Variants in MSRB3 observed in about 807,000 individuals in gnomAD.
MSRB3 encodes the protein methionine sulfoxide reductase B3.
MSRB3 carries 13 observed loss-of-function variants against 21.0 expected under a neutral mutation model. The observed-to-expected ratio is 0.62, with a 90% CI of 0.40 to 0.98. MSRB3 has a LOEUF of 0.98. Among genes scored for constraint, MSRB3 ranks in the 50% least tolerant of loss-of-function variants. The pLI, the probability that MSRB3 is intolerant of heterozygous loss-of-function variation, is 0.00. For missense variants in MSRB3, 199 were observed against 230.3 expected, an observed-to-expected ratio of 0.86 and a Z score of 0.88; for synonymous variants, 87 against 88.6, an observed-to-expected ratio of 0.98 and a Z score of 0.10.
intron 2 of MSRB3, among the ~76,000 whole-genome samples, chr12:65,323,423 A>G (rs1874815394): frequency 6.6e-6 from 1 of 152,244 alleles, no homozygotes; most frequent in South Asian, 2.1e-4. Flanking sequence ...CGGTGTTATG[A>G]TTAGATACCA....
chr12:65,336,319 A>G (rs1228482382), intron 4 of MSRB3, among the ~76,000 whole-genome samples: 3 of 152,256 alleles, frequency 2.0e-5, no homozygotes, highest in African/African-American at 4.8e-5. Context: ...ATCGCAAGGC[A>G]TGACTCAAAG....
intron 1 of MSRB3, among the ~76,000 whole-genome samples, chr12:65,292,338 A>G (rs538544605): frequency 6.6e-6 from 1 of 152,324 alleles, no homozygotes; most frequent in East Asian, 1.9e-4. Flanking sequence ...TATCTACCAC[A>G]TAGGTTATTG....
intron 2 of MSRB3, among the ~76,000 whole-genome samples, chr12:65,313,255 C>A (rs1374855608): frequency 6.6e-6 from 1 of 152,074 alleles, no homozygotes; most frequent in East Asian, 1.9e-4. Context: ...GGAAATACTA[C>A]AGATACACAT....
At chr12:65,429,639 A>G (rs1191794110) in intron 5 of MSRB3, among the ~76,000 whole-genome samples, 1 of 152,206 alleles carries the variant, frequency 6.6e-6, no homozygotes, top group Non-Finnish European at 1.5e-5. Context: ...GCCCACTGCA[A>G]TAAGAGTAAG....
chr12:65,353,661 G>T (rs1877189739), intron 4 of MSRB3, among the ~76,000 whole-genome samples: 1 of 152,070 alleles, frequency 6.6e-6, no homozygotes, highest in South Asian at 2.1e-4. Context: ...CACCCTGATG[G>T]GTCTTGACTC....
chr12:65,346,394 T>C (rs1876508862), intron 4 of MSRB3, among the ~76,000 whole-genome samples: 1 of 152,218 alleles, frequency 6.6e-6, no homozygotes, highest in Non-Finnish European at 1.5e-5. Flanking sequence ...TTTTGAGAAG[T>C]GTCTGTTCAT....
intron 5 of MSRB3, among the ~76,000 whole-genome samples, chr12:65,416,407 T>C (rs1880976964): frequency 6.6e-6 from 1 of 152,204 alleles, no homozygotes; most frequent in Non-Finnish European, 1.5e-5. Context: ...CATGTAACAA[T>C]GTATAGATGT....
intron 5 of MSRB3, among the ~76,000 whole-genome samples, chr12:65,444,272 A>G (rs1456470844): frequency 1.3e-5 from 2 of 152,204 alleles, no homozygotes; most frequent in African/African-American, 4.8e-5. Flanking sequence ...AGCAAAACAG[A>G]TTACAATGGT....
chr12:65,405,413 G>T (rs1880358966), intron 5 of MSRB3, among the ~76,000 whole-genome samples: 1 of 150,976 alleles, frequency 6.6e-6, no homozygotes, highest in African/African-American at 2.4e-5. Flanking sequence ...AGGCCGAATA[G>T]TATTCTATCA....
intron 5 of MSRB3, among the ~76,000 whole-genome samples, chr12:65,430,535 T>G (rs1881826065): frequency 6.6e-6 from 1 of 152,094 alleles, no homozygotes; most frequent in Non-Finnish European, 1.5e-5. Flanking sequence ...ATGGAAAAAG[T>G]AGTAAGGTCA....
chr12:65,362,900 G>C (rs1314817128), intron 4 of MSRB3, among the ~76,000 whole-genome samples: 2 of 152,062 alleles, frequency 1.3e-5, no homozygotes, highest in Non-Finnish European at 2.9e-5. Flanking sequence ...TTACTTCTAG[G>C]GGTAGAAGAA....
intron 4 of MSRB3, among the ~76,000 whole-genome samples, chr12:65,334,058 C>T (rs564065276): frequency 1.1e-4 from 17 of 152,218 alleles, no homozygotes; most frequent in African/African-American, 3.1e-4. Flanking sequence ...TCCTTGTTAG[C>T]GGATAAACCT....
intron 5 of MSRB3, among the ~76,000 whole-genome samples, chr12:65,427,309 T>C (rs926875456): frequency 3.3e-5 from 5 of 152,080 alleles, no homozygotes; most frequent in Non-Finnish European, 7.4e-5. Flanking sequence ...GCTGAGGTCA[T>C]TGTTGATGGA....
chr12:65,418,644 A>G (rs1230124824), intron 5 of MSRB3: 1 of 613,352 alleles, frequency 1.6e-6, no homozygotes, highest in South Asian at 2.0e-5. Context: ...TCTCTAATCC[A>G]TTTTGAGTTT....
chr12:65,381,638 T>C (rs2136559263), intron 5 of MSRB3, among the ~76,000 whole-genome samples: 1 of 152,268 alleles, frequency 6.6e-6, no homozygotes, highest in East Asian at 1.9e-4. Context: ...TGATAAATTT[T>C]TCTTCGAGTC....
intron 2 of MSRB3, among the ~76,000 whole-genome samples, chr12:65,311,874 T>C (rs983741961): frequency 3.9e-5 from 6 of 152,106 alleles, no homozygotes; most frequent in African/African-American, 1.4e-4. Flanking sequence ...AAGAGTGATC[T>C]ATTATTTTTC....
At chr12:65,328,692 C>A in intron 4 of MSRB3, 89 bp downstream of exon 4, 1 of 878,368 alleles carries the variant, frequency 1.1e-6, no homozygotes, top group Non-Finnish European at 1.9e-6. Flanking sequence ...CTTTCCATTG[C>A]TGAATTTTCT....
At chr12:65,321,649 C>A (rs1231490036) in intron 2 of MSRB3, among the ~76,000 whole-genome samples, 2 of 151,930 alleles carry the variant, frequency 1.3e-5, no homozygotes, top group African/African-American at 4.8e-5. Context: ...TACTAGAATG[C>A]AAACAAACAA....
intron 5 of MSRB3, among the ~76,000 whole-genome samples, chr12:65,440,113 C>T (rs536748332): frequency 2.0e-5 from 3 of 151,576 alleles, no homozygotes; most frequent in South Asian, 4.2e-4. Flanking sequence ...ATTGGTAGCC[C>T]GATTGGTATT....
Sources: allele counts gnomAD v4.1 joint callset (sites outside exome capture counted in the v4.1 genomes callset), GRCh38; gene constraint gnomAD v4.1.1; transcripts MANE v1.5; gene names NCBI Gene and HGNC (gene_info 2026-07-23, HGNC 2026-07-21).